Variants in PHKA2 observed in about 807,000 individuals in gnomAD.
PHKA2 encodes the protein phosphorylase b kinase regulatory subunit alpha, liver isoform.
PHKA2 carries 31 observed loss-of-function variants against 102.0 expected under a neutral mutation model. That is an observed-to-expected ratio of 0.30 (90% CI 0.23 to 0.41). The LOEUF (loss-of-function observed/expected upper bound fraction) is 0.41, where lower values mean the gene tolerates loss of function less well. Among genes scored for constraint, PHKA2 ranks in the 10% least tolerant of loss-of-function variants. PHKA2 has a pLI of 1.00. For missense variants in PHKA2, 858 were observed against 1,023.1 expected, an observed-to-expected ratio of 0.84 and a Z score of 2.20; for synonymous variants, 455 against 416.2, an observed-to-expected ratio of 1.09 and a Z score of -1.13.
At chrX:18,922,170 TG>T (rs983425951) in intron 17 of PHKA2, among the ~76,000 whole-genome samples, 5 of 110,302 alleles carry the variant, frequency 4.5e-5, no homozygotes, top group African/African-American at 1.7e-4. Context: ...TGCTTGAACC[TG>T]GGGGGTGGAG....
intron 29 of PHKA2, chrX:18,897,540 G>A: frequency 4.6e-6 from 2 of 437,033 alleles, no homozygotes; most frequent in Non-Finnish European, 7.9e-6. Context: ...ATTCCATGTT[G>A]CACTCTGCCC....
intron 12 of PHKA2, among the ~76,000 whole-genome samples, chrX:18,929,781 C>A (rs894809576): frequency 1.8e-5 from 2 of 112,014 alleles, no homozygotes; most frequent in African/African-American, 6.5e-5. Flanking sequence ...CTGGAGGCGC[C>A]ACAGAAACTA....
Position 18,983,964 on chromosome X carries a change from T to A in PHKA2, c.-32A>T. 8.7e-7 allele frequency: 1 copy of A among 1,155,266 alleles called. No individual in the cohort carries two copies. The highest frequency in any genetic ancestry group is 1.2e-6 in the Non-Finnish European group (1 of 843,982). On this transcript the variant is annotated 5_prime_UTR_variant, in exon 1 of 33. Coordinates refer to ENST00000379942, the MANE Select transcript of PHKA2 (RefSeq NM_000292.3). Reference sequence around the variant, plus strand: ...GAGGCTCCCAGGCCGCAGCGCCCGATCTGCCGCGTGGGCGCGGGACGTCGG... The same window carrying A: ...GAGGCTCCCAGGCCGCAGCGCCCGAACTGCCGCGTGGGCGCGGGACGTCGG...
intron 10 of PHKA2, among the ~76,000 whole-genome samples, chrX:18,937,668 G>A (rs1024075091): frequency 1.8e-5 from 2 of 112,012 alleles, no homozygotes; most frequent in African/African-American, 6.5e-5. Flanking sequence ...CATTGTGCTT[G>A]GATCACAGAA....
In PHKA2 at chrX:18,907,078, G is replaced by A. The variant is rs780316518; in HGVS notation, c.2537C>T (p.Ser846Leu). Residue 846 changes from serine to leucine, a missense_variant, in exon 23 of 33, where the codon TCG (serine) becomes TTG (leucine). Transcript: ENST00000379942. ...GCCCACGGTGAGCTGCTTCTGGTGC[G>A]AAAGCAGGTCTGTGCAGGCCTGCGC... ...VLAEACTDLL[S>L]HQKQLTVGLP... The A allele has an allele frequency of 5.1e-6, 6 of 1,187,543 alleles. No individual in the cohort carries two copies. The highest frequency in any genetic ancestry group is 3.1e-5 in the East Asian group (1 of 32,680).
At chrX:18,977,822 C>A (rs2049111061) in intron 1 of PHKA2, among the ~76,000 whole-genome samples, 1 of 111,742 alleles carries the variant, frequency 8.9e-6, no homozygotes, top group Non-Finnish European at 1.9e-5. Flanking sequence ...TAGGTTTTGT[C>A]TCTTACAAAT....
intron 1 of PHKA2, among the ~76,000 whole-genome samples, chrX:18,963,654 T>C (rs1255323081): frequency 1.8e-5 from 2 of 111,979 alleles, no homozygotes; most frequent in African/African-American, 6.5e-5. Context: ...CATGAATGCT[T>C]ATATGGCCAT....
Position 18,983,916 on chromosome X carries a change from T to C in PHKA2, c.17A>G (p.Asn6Ser), listed in dbSNP as rs2049222284. The C allele has an allele frequency of 2.5e-6, 3 of 1,210,843 alleles. No individual in the cohort carries two copies. Among genetic ancestry groups the C allele is most frequent in the East Asian group, 3.0e-5 (1 of 33,823 alleles). Residue 6 changes from asparagine (N) to serine (S), a missense_variant, in exon 1 of 33, where the codon AAT becomes AGT. Coordinates refer to ENST00000379942, the MANE Select transcript of PHKA2 (RefSeq NM_000292.3). MRSRS[N>S]SGVRLDGYAR... ...GTACCCGTCCAAGCGGACCCCGGAA[T>C]TGCTCCTGCTCCGCATCTCCCCGAG...
At chrX:18,969,139 C>T (rs1008244532) in intron 1 of PHKA2, among the ~76,000 whole-genome samples, 1 of 111,018 alleles carries the variant, frequency 9.0e-6, no homozygotes, top group South Asian at 3.8e-4. Flanking sequence ...AAAAGTTTCC[C>T]CAAAATCTCA....
intron 31 of PHKA2, chrX:18,894,697 T>G: frequency 2.4e-6 from 1 of 409,258 alleles, no homozygotes; most frequent in African/African-American, 2.5e-5. Flanking sequence ...CTCTTCATTA[T>G]TCCTTCCAGC....
chrX:18,925,555 A>G lies in PHKA2; in HGVS notation c.1569+113T>C, dbSNP rs966341822. ...TACTAGGCTCTTGGTATCATTTCAT[A>G]TGTCTCTATTTGAACCTATGCATGC... On this transcript the variant is annotated intron_variant, in intron 15 of 32. Coordinates refer to ENST00000379942, the MANE Select transcript of PHKA2 (RefSeq NM_000292.3). 37 of 551,318 alleles carry G rather than the reference A, an allele frequency of 6.7e-5. No homozygotes were observed. In the African/African-American group the frequency reaches 8.2e-4, roughly 12 times the overall value. The allele number at this position is 551,318 out of a possible 1,213,427, so 45.4% of individuals were successfully genotyped here. A position where few individuals can be genotyped will look rare whatever the true frequency, so the allele number is the denominator to read the frequency against.
intron 26 of PHKA2, among the ~76,000 whole-genome samples, chrX:18,902,430 C>A (rs763411011): frequency 9.1e-6 from 1 of 109,871 alleles, no homozygotes; most frequent in African/African-American, 3.3e-5. Flanking sequence ...AACCACCGTG[C>A]CCACCCTTGC....
chrX:18,971,255 A>C (rs927954627), intron 1 of PHKA2, among the ~76,000 whole-genome samples: 12 of 112,021 alleles, frequency 1.1e-4, no homozygotes, highest in African/African-American at 3.9e-4. Context: ...ATGCTTTAAA[A>C]CTGTTGCCAT....
chrX:18,951,411 G>T, intron 3 of PHKA2, 139 bp from the exon 4 acceptor site: 1 of 614,605 alleles, frequency 1.6e-6, no homozygotes, highest in Non-Finnish European at 2.7e-6. Context: ...CAGCTGCTAG[G>T]CAGCACCGCA....
At chrX:18,931,993 C>A (rs1356191926) in intron 11 of PHKA2, among the ~76,000 whole-genome samples, 1 of 112,363 alleles carries the variant, frequency 8.9e-6, no homozygotes, top group East Asian at 2.8e-4. Context: ...ACACGCAAGG[C>A]CACGAGCACC....
rs1176121649 is a variant in PHKA2 at position 18,897,295 on chromosome X, GGAT to G, written c.3147_3149del (p.Ser1051del). On this transcript the variant is annotated inframe_deletion, in exon 30 of 33. Coordinates refer to ENST00000379942, the MANE Select transcript of PHKA2 (RefSeq NM_000292.3). ...CGATGTGATGTCCTCCCGAGTCTGAGGATGACGTGCCAGTGGGCGAGGATGGGG... is the reference window on the plus strand; with the variant it reads ...CGATGTGATGTCCTCCCGAGTCTGAGGACGTGCCAGTGGGCGAGGATGGGG... 1 of 1,210,987 alleles carries G rather than the reference GGAT, an allele frequency of 8.3e-7. No homozygotes were observed. Among genetic ancestry groups the G allele is most frequent in the Non-Finnish European group, 1.1e-6 (1 of 895,323 alleles).
intron 1 of PHKA2, among the ~76,000 whole-genome samples, chrX:18,971,481 T>G (rs998682634): frequency 8.9e-6 from 1 of 112,258 alleles, no homozygotes; most frequent in African/African-American, 3.2e-5. Flanking sequence ...TTTAAAATAT[T>G]TTTTTGGTTA....
intron 26 of PHKA2, among the ~76,000 whole-genome samples, chrX:18,904,529 G>C (rs1454203733): frequency 3.6e-5 from 4 of 112,313 alleles, no homozygotes; most frequent in African/African-American, 9.7e-5. Flanking sequence ...AATTATCTGT[G>C]TCAAGCCATG....
At chrX:18,939,186 A>AT (rs1167475510) in intron 9 of PHKA2, among the ~76,000 whole-genome samples, 2 of 111,135 alleles carry the variant, frequency 1.8e-5, no homozygotes, top group East Asian at 5.6e-4. Flanking sequence ...AGAAATTTTT[A>AT]TTTTTTTGAG....
Sources: allele counts gnomAD v4.1 joint callset (sites outside exome capture counted in the v4.1 genomes callset), GRCh38; gene constraint gnomAD v4.1.1; transcripts MANE v1.5; gene names NCBI Gene and HGNC (gene_info 2026-07-23, HGNC 2026-07-21).